KLHL29: variants seen among roughly 807,000 people sequenced by gnomAD.
KLHL29 encodes kelch-like protein 29.
In KLHL29, 21 loss-of-function variants were observed where a neutral mutation model predicts 80.4. That is an observed-to-expected ratio of 0.26 (90% CI 0.19 to 0.38). The LOEUF (loss-of-function observed/expected upper bound fraction) is 0.38, where lower values mean the gene tolerates loss of function less well. Among genes scored for constraint, KLHL29 ranks in the 10% least tolerant of loss-of-function variants. KLHL29 has a pLI of 1.00. For missense variants in KLHL29, 867 were observed against 1,223.9 expected (o/e 0.71, Z 4.35); for synonymous variants, 511 against 526.8 (o/e 0.97, Z 0.41).
intron 1 of KLHL29, among the ~76,000 whole-genome samples, chr2:23,397,956 T>G (rs1379899972): frequency 1.3e-5 from 2 of 151,424 alleles, no homozygotes; most frequent in Non-Finnish European, 2.9e-5. Flanking sequence ...CAACAGAAAA[T>G]AACAAGTGTT....
chr2:23,407,840 G>A (rs1666768939), intron 1 of KLHL29, among the ~76,000 whole-genome samples: 1 of 152,078 alleles, frequency 6.6e-6, no homozygotes, highest in Admixed American at 6.6e-5. Flanking sequence ...TGCGTTTAGT[G>A]AATGATCTTT....
chr2:23,555,086 TCC>T (rs1667249297), intron 2 of KLHL29, among the ~76,000 whole-genome samples: 1 of 150,792 alleles, frequency 6.6e-6, no homozygotes, highest in African/African-American at 2.4e-5. Context: ...TGACACGAGG[TCC>T]CCTGTGTCGT....
intron 3 of KLHL29, among the ~76,000 whole-genome samples, chr2:23,622,746 C>T (rs1182168190): frequency 1.3e-5 from 2 of 152,240 alleles, no homozygotes; most frequent in Non-Finnish European, 2.9e-5. Flanking sequence ...CAGCCATCTG[C>T]ATGGGTAATA....
chr2:23,412,877 CCTT>C (rs1331916249), intron 1 of KLHL29, among the ~76,000 whole-genome samples: 1 of 152,118 alleles, frequency 6.6e-6, no homozygotes, highest in Non-Finnish European at 1.5e-5. Context: ...GCGCAGGCAT[CCTT>C]CTCCCTCTGC....
intron 13 of KLHL29, among the ~76,000 whole-genome samples, chr2:23,704,627 C>T (rs147154001): frequency 0.033 from 4,970 of 152,236 alleles, 100 homozygotes; most frequent in South Asian, 0.087. Flanking sequence ...ATTTGCCAGG[C>T]GTGGTGGCAT....
chr2:23,569,592 G>T (rs993572684), intron 3 of KLHL29, among the ~76,000 whole-genome samples: 1 of 150,636 alleles, frequency 6.6e-6, no homozygotes, highest in Admixed American at 6.6e-5. Context: ...AACTAGACTG[G>T]GAGTCTCATC....
At chr2:23,651,043 T>G (rs1369431962) in intron 5 of KLHL29, among the ~76,000 whole-genome samples, 1 of 152,168 alleles carries the variant, frequency 6.6e-6, no homozygotes, top group Non-Finnish European at 1.5e-5. Context: ...CACTCACTAT[T>G]CTAGAAATGT....
intron 2 of KLHL29, among the ~76,000 whole-genome samples, chr2:23,477,762 C>A (rs1183558565): frequency 2.0e-5 from 3 of 152,144 alleles, no homozygotes; most frequent in African/African-American, 7.2e-5. Context: ...ATGGCATCCC[C>A]GCTCCTACAC....
In KLHL29 at chr2:23,385,670, C is replaced by G. The variant is rs2103377599; in HGVS notation, c.-264C>G. On this transcript the variant is annotated 5_prime_UTR_variant, in exon 1 of 14. Coordinates refer to ENST00000486442, the MANE Select transcript of KLHL29 (RefSeq NM_052920.2). ...TTCCTCCGGCCAGGACCCGAGCGGCCCCAGCCACCGCTACCCGCCGGCGCT... is the reference window on the plus strand; with the variant it reads ...TTCCTCCGGCCAGGACCCGAGCGGCGCCAGCCACCGCTACCCGCCGGCGCT... 1 of 165,890 alleles carries G rather than the reference C, an allele frequency of 6.0e-6. No individual in the cohort carries two copies. Among genetic ancestry groups the G allele is most frequent in the East Asian group, 2.0e-4 (1 of 5,106 alleles). 10.3% of individuals were successfully genotyped at this position (165,890 alleles called of 1,614,324 possible).
At chr2:23,598,812 G>A (rs748757595) in intron 3 of KLHL29, among the ~76,000 whole-genome samples, 1 of 152,192 alleles carries the variant, frequency 6.6e-6, no homozygotes, top group Non-Finnish European at 1.5e-5. Flanking sequence ...TGATAGTTCC[G>A]AGTGGCCAGC....
At chr2:23,434,296 G>A (rs1182650257) in intron 1 of KLHL29, among the ~76,000 whole-genome samples, 1 of 144,720 alleles carries the variant, frequency 6.9e-6, no homozygotes, top group Non-Finnish European at 1.5e-5. Flanking sequence ...ACTCCAACCT[G>A]GGAGACACAG....
intron 5 of KLHL29, chr2:23,670,154 G>C (rs1162982427): frequency 6.6e-6 from 1 of 152,148 alleles, no homozygotes; most frequent in East Asian, 1.9e-4. Context: ...TGGGAATATC[G>C]GGGGAGGGAA....
intron 1 of KLHL29, among the ~76,000 whole-genome samples, chr2:23,402,874 A>G (rs1572484322): frequency 6.6e-6 from 1 of 151,544 alleles, no homozygotes; most frequent in African/African-American, 2.4e-5. Context: ...ATATATGTAC[A>G]TATACATATG....
intron 1 of KLHL29, among the ~76,000 whole-genome samples, chr2:23,470,336 T>G (rs2103434636): frequency 6.6e-6 from 1 of 152,272 alleles, no homozygotes; most frequent in Middle Eastern, 3.4e-3. Context: ...GGGAGGAGTT[T>G]TCACGAGGAG....
At chr2:23,405,188 T>G (rs1170373069) in intron 1 of KLHL29, among the ~76,000 whole-genome samples, 2 of 152,212 alleles carry the variant, frequency 1.3e-5, no homozygotes, top group African/African-American at 4.8e-5. Flanking sequence ...TATTCTAATT[T>G]TGTTCAATCC....
At chr2:23,496,271 G>T (rs1209115553) in intron 2 of KLHL29, among the ~76,000 whole-genome samples, 1 of 152,212 alleles carries the variant, frequency 6.6e-6, no homozygotes, top group Admixed American at 6.5e-5. Flanking sequence ...AATTTTTTAT[G>T]TAATATGGTA....
chr2:23,539,015 G>A lies in KLHL29; in HGVS notation c.-45-23137G>A, dbSNP rs1469879306. Among the ~76,000 whole-genome samples, 5 of 152,198 alleles carry A rather than the reference G, an allele frequency of 3.3e-5. No individual in the cohort carries two copies. In the East Asian group the frequency reaches 9.6e-4, roughly 29 times the overall value. The stretch of plus-strand genomic sequence containing the variant: ...AGCAAATTCTGCAAACTCCTGATCT[G>A]GCAAGGATGAAGAGAAGGGCTGGGA... On this transcript the variant is annotated intron_variant, in intron 2 of 13. Transcript: ENST00000486442.
In KLHL29 at chr2:23,693,315, C is replaced by A. The variant is rs931448202; in HGVS notation, c.1329C>A (p.Ala443=). The A allele has an allele frequency of 2.6e-6, 4 of 1,549,766 alleles. No homozygotes were observed. The highest frequency in any genetic ancestry group is 3.5e-6 in the Non-Finnish European group (4 of 1,146,052). Reference sequence around the variant, plus strand: ...ACTGCCTGGGCGTGCTGGCCATGGCCGAGGCCATGCAGTGCAGCGAGCTCT... The same window carrying A: ...ACTGCCTGGGCGTGCTGGCCATGGCAGAGGCCATGCAGTGCAGCGAGCTCT... ...ASNCLGVLAM[A]EAMQCSELYH... The change falls in exon 8 of 14, where the codon GCC becomes GCA. Residue 443 remains alanine, a synonymous_variant. Transcript: ENST00000486442.
Position 23,680,225 on chromosome 2 carries a change from G to A in KLHL29, c.941-4174G>A, listed in dbSNP as rs903084900. On this transcript the variant is annotated intron_variant, in intron 5 of 13. Coordinates refer to ENST00000486442, the MANE Select transcript of KLHL29 (RefSeq NM_052920.2). The surrounding 1 kb of genome is among the most constrained non-coding windows in gnomAD (Gnocchi z 4.1). ...AGGCTGGATCCTGAGAATTCTAGGA[G>A]GTAAAAAGATGGGACTTGGTGTGAT... 6.6e-5 allele frequency among the ~76,000 whole-genome samples: 10 copies of A among 152,156 alleles called. No homozygotes were observed. Among genetic ancestry groups the A allele is most frequent in the African/African-American group, 2.2e-4 (9 of 41,440 alleles).
Sources: allele counts gnomAD v4.1 joint callset (sites outside exome capture counted in the v4.1 genomes callset), GRCh38; gene constraint gnomAD v4.1.1; non-coding constraint Gnocchi (gnomAD v3.1); transcripts MANE v1.5; gene names NCBI Gene and HGNC (gene_info 2026-07-23, HGNC 2026-07-21).